The following NKAIN2 variants were observed in gnomAD, a reference collection of about 807,000 sequenced individuals.
NKAIN2 encodes sodium/potassium transporting ATPase interacting 2.
Under a neutral mutation model 32.6 loss-of-function variants are expected in NKAIN2, and 14 were observed. That is an observed-to-expected ratio of 0.43 (90% confidence interval 0.28 to 0.67). The LOEUF is 0.67. Ranked by LOEUF, NKAIN2 falls within the 30% of genes least tolerant of loss-of-function variation. NKAIN2 has a pLI of 0.17. For missense variants in NKAIN2, 198 were observed against 258.3 expected, an observed-to-expected ratio of 0.77 and a Z score of 1.60; for synonymous variants, 80 against 87.2, an observed-to-expected ratio of 0.92 and a Z score of 0.46.
intron 3 of NKAIN2, among the ~76,000 whole-genome samples, chr6:124,557,927 A>G (rs886906957): frequency 2.6e-5 from 4 of 152,246 alleles, no homozygotes; most frequent in Middle Eastern, 3.2e-3. Context: ...ATTATCATAG[A>G]AATGTGAGTT....
chr6:123,880,671 A>G (rs1773411537), intron 1 of NKAIN2, among the ~76,000 whole-genome samples: 1 of 152,204 alleles, frequency 6.6e-6, no homozygotes, highest in African/African-American at 2.4e-5. Context: ...TAAAACTACC[A>G]GTTAGTTAGA....
intron 3 of NKAIN2, among the ~76,000 whole-genome samples, chr6:124,530,621 G>T (rs536344434): frequency 3.3e-5 from 5 of 152,168 alleles, no homozygotes; most frequent in African/African-American, 1.2e-4. Flanking sequence ...TGCTTATTTG[G>T]TTATGAAGGT....
intron 3 of NKAIN2, among the ~76,000 whole-genome samples, chr6:124,617,873 A>G (rs1186358464): frequency 1.3e-5 from 2 of 152,184 alleles, no homozygotes; most frequent in African/African-American, 2.4e-5. Flanking sequence ...GAATAATTCA[A>G]ATAACCAGTT....
intron 1 of NKAIN2, among the ~76,000 whole-genome samples, chr6:123,908,240 A>T (rs1385565431): frequency 6.6e-6 from 1 of 152,124 alleles, no homozygotes; most frequent in East Asian, 1.9e-4. Flanking sequence ...AATAATAATA[A>T]TAATAAAAAT....
intron 2 of NKAIN2, among the ~76,000 whole-genome samples, chr6:124,293,070 A>C (rs2114952814): frequency 6.6e-6 from 1 of 152,246 alleles, no homozygotes; most frequent in East Asian, 1.9e-4. Context: ...AATTTAAATG[A>C]GAAGACTTTT....
rs1229316814 is a variant in NKAIN2, at chr6:123,875,185, TA to T, written c.54+70932del. 4.6e-4 allele frequency among the ~76,000 whole-genome samples: 70 copies of T among 152,138 alleles called. 1 individual carries two copies. The highest frequency in any genetic ancestry group is 1.7e-3 in the African/African-American group (70 of 41,566). On this transcript the variant is annotated intron_variant, in intron 1 of 6. Transcript: ENST00000368417. Reference sequence around the variant, plus strand: ...TTATAGTAAATAACACTGAAACGAATAGTTTTCTAAACACTTTTTTTTACAG... The same window carrying T: ...TTATAGTAAATAACACTGAAACGAATGTTTTCTAAACACTTTTTTTTACAG...
At chr6:124,151,891 G>C (rs891290299) in intron 1 of NKAIN2, among the ~76,000 whole-genome samples, 5 of 151,774 alleles carry the variant, frequency 3.3e-5, no homozygotes, top group Non-Finnish European at 7.4e-5. Context: ...ATATATGCTA[G>C]ATACAACTCT....
At chr6:124,501,624 C>A (rs1778295935) in intron 3 of NKAIN2, among the ~76,000 whole-genome samples, 1 of 152,100 alleles carries the variant, frequency 6.6e-6, no homozygotes, top group East Asian at 1.9e-4. Context: ...AGATGCAAAT[C>A]AGATGACTCC....
At chr6:124,019,977 AGTCTCAATGTTG>A (rs1444297939) in intron 1 of NKAIN2, among the ~76,000 whole-genome samples, 1 of 152,218 alleles carries the variant, frequency 6.6e-6, no homozygotes, top group East Asian at 1.9e-4. Context: ...AAACTTGAAT[AGTCTCAATGTTG>A]TAGAAGATAG....
intron 1 of NKAIN2, among the ~76,000 whole-genome samples, chr6:124,233,144 A>T (rs1301752026): frequency 6.6e-6 from 1 of 152,034 alleles, no homozygotes; most frequent in Non-Finnish European, 1.5e-5. Context: ...ATTTTGTATT[A>T]TATATTGCCT....
chr6:124,097,598 G>A (rs539356462), intron 1 of NKAIN2, among the ~76,000 whole-genome samples: 2 of 152,252 alleles, frequency 1.3e-5, no homozygotes, highest in East Asian at 1.9e-4. Flanking sequence ...TTAGCTACAT[G>A]CAATTGGCAA....
intron 1 of NKAIN2, among the ~76,000 whole-genome samples, chr6:124,066,692 A>G (rs1783199750): frequency 2.0e-5 from 3 of 152,162 alleles, no homozygotes; most frequent in Non-Finnish European, 2.9e-5. Flanking sequence ...TGATTCAGCC[A>G]TATGTGTTTT....
chr6:124,665,885 C>T (rs962239016), intron 4 of NKAIN2, among the ~76,000 whole-genome samples: 1 of 152,102 alleles, frequency 6.6e-6, no homozygotes, highest in African/African-American at 2.4e-5. Flanking sequence ...CTGTGCGTAC[C>T]GTACTTCTCA....
rs507210 is a variant in NKAIN2, at chr6:124,397,992, A to C, written c.273+42645A>C. Among the ~76,000 whole-genome samples the C allele has an allele frequency of 5.9e-5, 9 of 151,988 alleles. No individual in the cohort carries two copies. The South Asian group carries it at 1.9e-3, about 32-fold the overall frequency. On this transcript the variant is annotated intron_variant, in intron 3 of 6. Coordinates refer to ENST00000368417, the MANE Select transcript of NKAIN2 (RefSeq NM_001040214.3). ...CCCGGGGCCGGGCGTGGTGGCTCACACCTGTAATCCCAGCACTTTGGGAGG... is the reference window on the plus strand; with the variant it reads ...CCCGGGGCCGGGCGTGGTGGCTCACCCCTGTAATCCCAGCACTTTGGGAGG...
intron 4 of NKAIN2, among the ~76,000 whole-genome samples, chr6:124,727,674 A>T (rs1177876999): frequency 6.6e-5 from 10 of 150,622 alleles, no homozygotes; most frequent in Admixed American, 2.0e-4. Flanking sequence ...AGCAACTAAC[A>T]TCATAATGAC....
chr6:124,462,109 T>G (rs2114649447), intron 3 of NKAIN2, among the ~76,000 whole-genome samples: 1 of 151,976 alleles, frequency 6.6e-6, no homozygotes, highest in African/African-American at 2.4e-5. Flanking sequence ...TAAATCTATC[T>G]TCTACAGTCT....
At chr6:124,470,986 C>T (rs957090720) in intron 3 of NKAIN2, among the ~76,000 whole-genome samples, 1 of 152,106 alleles carries the variant, frequency 6.6e-6, no homozygotes, top group African/African-American at 2.4e-5. Context: ...TGAGACACAG[C>T]CACAACCCTT....
chr6:124,156,402 T>C (rs1787989352), intron 1 of NKAIN2, among the ~76,000 whole-genome samples: 1 of 152,120 alleles, frequency 6.6e-6, no homozygotes, highest in African/African-American at 2.4e-5. Context: ...GGCAGACAAG[T>C]TAAGGGCTAC....
intron 3 of NKAIN2, among the ~76,000 whole-genome samples, chr6:124,416,242 G>C (rs1305327807): frequency 1.3e-5 from 2 of 151,916 alleles, no homozygotes; most frequent in Non-Finnish European, 2.9e-5. Context: ...ATTTAAACTG[G>C]GTAACAATAA....
Sources: gnomAD v4.1 joint callset for allele counts (sites outside exome capture counted in the v4.1 genomes callset) on GRCh38, gnomAD v4.1.1 for gene constraint, MANE v1.5 for transcripts, NCBI Gene and HGNC (gene_info 2026-07-23, HGNC 2026-07-21) for gene names.